Variants in NAV3 observed in about 807,000 individuals in gnomAD.
NAV3 encodes the protein pore membrane and/or filament interacting like protein 1.
Under a neutral mutation model 244.7 loss-of-function variants are expected in NAV3, and 87 were observed. That is an observed-to-expected ratio of 0.36 (90% CI 0.30 to 0.42). NAV3 has a LOEUF of 0.42. Among genes scored for constraint, NAV3 ranks in the 20% least tolerant of loss-of-function variants. The pLI, the probability that NAV3 is intolerant of heterozygous loss-of-function variation, is 1.00. For synonymous variants in NAV3, 1,126 were observed against 1,042.2 expected, an observed-to-expected ratio of 1.08 and a Z score of -1.55; for missense variants, 2,663 against 2,893.3, an observed-to-expected ratio of 0.92 and a Z score of 1.83.
intron 2 of NAV3, among the ~76,000 whole-genome samples, chr12:77,660,724 CA>C (rs1192226133): frequency 1.3e-5 from 2 of 152,016 alleles, no homozygotes; most frequent in African/African-American, 4.8e-5. Flanking sequence ...CCACCTTCAC[CA>C]AAAGTTTCTC....
At chr12:77,693,137 T>C (rs1427619084) in intron 2 of NAV3, among the ~76,000 whole-genome samples, 1 of 152,184 alleles carries the variant, frequency 6.6e-6, no homozygotes, top group Non-Finnish European at 1.5e-5. Flanking sequence ...TGCAGAATCC[T>C]GACTTCTGCA....
chr12:78,157,833 A>G (rs930785223), intron 22 of NAV3, among the ~76,000 whole-genome samples: 2 of 151,748 alleles, frequency 1.3e-5, no homozygotes, highest in African/African-American at 2.4e-5. Flanking sequence ...AGGAAGAGGG[A>G]AGGAATGGAA....
At chr12:77,704,718 A>T (rs1875712759) in intron 2 of NAV3, among the ~76,000 whole-genome samples, 1 of 152,196 alleles carries the variant, frequency 6.6e-6, no homozygotes, top group African/African-American at 2.4e-5. Context: ...TTAGTAAATT[A>T]GAGTGGTTAA....
At chr12:77,793,335 A>G (rs913299109) in intron 2 of NAV3, among the ~76,000 whole-genome samples, 4 of 152,184 alleles carry the variant, frequency 2.6e-5, no homozygotes, top group African/African-American at 4.8e-5. Flanking sequence ...GTTTTGGGAT[A>G]CATGTGCAGA....
rs761846025 is a variant in NAV3, at chr12:78,190,068, T to C, written c.6140T>C (p.Met2047Thr). 4 of 1,613,128 alleles carry C rather than the reference T, an allele frequency of 2.5e-6. No homozygotes were observed. The highest frequency in any genetic ancestry group is 1.3e-5 in the African/African-American group (1 of 74,890). Residue 2047 changes from methionine to threonine, a missense_variant, in exon 34 of 40, where the codon ATG becomes ACG. Coordinates refer to ENST00000397909, the MANE Select transcript of NAV3 (RefSeq NM_001024383.2). Reference protein sequence around the residue: ...PITQRYFNLLMEHHRIILSGP... With the variant: ...PITQRYFNLLTEHHRIILSGP... ...ACCCAAAGGTACTTTAACTTGTTGA[T>C]GGAGCATCACAGAATTATACTCTCA...
intron 10 of NAV3, 57 bp downstream of exon 10, chr12:78,050,158 A>G (rs1046127602): frequency 1.7e-6 from 2 of 1,205,402 alleles, no homozygotes; most frequent in Non-Finnish European, 2.4e-6. Flanking sequence ...TTACAAACAA[A>G]CATTTAACTT....
At chr12:77,591,059 T>C (rs532357195) in intron 2 of NAV3, among the ~76,000 whole-genome samples, 135 of 152,318 alleles carry the variant, frequency 8.9e-4, no homozygotes, top group Non-Finnish European at 1.7e-3. Flanking sequence ...TTAGTTTCCC[T>C]GAATGCTGCT....
intron 34 of NAV3, among the ~76,000 whole-genome samples, chr12:78,193,119 C>T (rs1959055640): frequency 6.6e-6 from 1 of 152,060 alleles, no homozygotes; most frequent in South Asian, 2.1e-4. Context: ...GAGACAAATC[C>T]AAAAAGCACT....
chr12:77,694,947 G>A (rs1875226258), intron 2 of NAV3, among the ~76,000 whole-genome samples: 1 of 152,152 alleles, frequency 6.6e-6, no homozygotes, highest in Non-Finnish European at 1.5e-5. Context: ...CTTTCCAATG[G>A]AAGTTGTATT....
intron 2 of NAV3, among the ~76,000 whole-genome samples, chr12:77,735,930 CT>C (rs1227538724): frequency 2.6e-5 from 4 of 152,148 alleles, no homozygotes; most frequent in Non-Finnish European, 4.4e-5. Context: ...TTTAGTCTCC[CT>C]GCATCTTTCT....
At chr12:77,652,038 T>C (rs1213901178) in intron 2 of NAV3, among the ~76,000 whole-genome samples, 1 of 152,150 alleles carries the variant, frequency 6.6e-6, no homozygotes, top group African/African-American at 2.4e-5. Context: ...AGGCAAAAAA[T>C]AGCAGCTTTC....
intron 12 of NAV3, among the ~76,000 whole-genome samples, chr12:78,097,202 C>A (rs1954298194): frequency 6.6e-6 from 1 of 152,150 alleles, no homozygotes; most frequent in Non-Finnish European, 1.5e-5. Context: ...TCTGGTCAGG[C>A]AAGGTCATAT....
At chr12:77,989,427 T>C (rs189908683) in intron 5 of NAV3, among the ~76,000 whole-genome samples, 46 of 152,304 alleles carry the variant, frequency 3.0e-4, no homozygotes, top group Admixed American at 3.0e-3. Flanking sequence ...TTGGGCTTCC[T>C]ATGGAAGCTA....
At chr12:77,918,728 AT>A (rs1262530229) in intron 1 of NAV3, among the ~76,000 whole-genome samples, 1 of 152,068 alleles carries the variant, frequency 6.6e-6, no homozygotes, top group East Asian at 1.9e-4. Flanking sequence ...CCATATGGTC[AT>A]CATCCAGTAG....
At chr12:77,828,999 T>A (rs1293857977), upstream of NAV3, among the ~76,000 whole-genome samples, 2 of 152,218 alleles carry the variant, frequency 1.3e-5, no homozygotes, top group Non-Finnish European at 2.9e-5. Context: ...ATAGTCAGCG[T>A]AGAATTATAA....
chr12:77,754,093 C>A (rs547946919), intron 2 of NAV3, among the ~76,000 whole-genome samples: 2 of 152,102 alleles, frequency 1.3e-5, no homozygotes, highest in Non-Finnish European at 2.9e-5. Flanking sequence ...TTATTTTATA[C>A]GTATTTTTGA....
chr12:77,691,357 A>ATATATATATC (rs1190972203), intron 2 of NAV3, among the ~76,000 whole-genome samples: 1 of 137,562 alleles, frequency 7.3e-6, no homozygotes, highest in Non-Finnish European at 1.6e-5. Context: ...ATATATATAC[A>ATATATATATC]TATCCATTCT....
intron 1 of NAV3, among the ~76,000 whole-genome samples, chr12:77,865,727 T>G (rs1299090523): frequency 6.6e-6 from 1 of 151,004 alleles, no homozygotes; most frequent in Non-Finnish European, 1.5e-5. Flanking sequence ...TCGTTGCTTC[T>G]CTCTCTCTCT....
chr12:77,746,864 A>G (rs1057171040), intron 2 of NAV3, among the ~76,000 whole-genome samples: 10 of 152,078 alleles, frequency 6.6e-5, no homozygotes, highest in African/African-American at 2.4e-4. Context: ...TTCCTGTGTT[A>G]CTATTTCTAC....
Sources: allele counts gnomAD v4.1 joint callset (sites outside exome capture counted in the v4.1 genomes callset), GRCh38; gene constraint gnomAD v4.1.1; transcripts MANE v1.5; gene names NCBI Gene and HGNC (gene_info 2026-07-23, HGNC 2026-07-21).